SCARA5: variants seen among roughly 807,000 people sequenced by gnomAD.
SCARA5 encodes scavenger receptor class A, member 5 (putative).
A neutral mutation model predicts 46.3 loss-of-function variants in SCARA5; 45 were observed. That is an observed-to-expected ratio of 0.97 (90% CI 0.76 to 1.24). The LOEUF is 1.24. SCARA5 is among the 50% of genes most tolerant of loss of function. The pLI, the probability that SCARA5 is intolerant of heterozygous loss-of-function variation, is 0.00. For missense variants in SCARA5, 680 were observed against 689.0 expected (o/e 0.99, Z 0.15); for synonymous variants, 333 against 306.5 (o/e 1.09, Z -0.90).
rs529126530 is a variant in SCARA5, at chr8:27,893,713, G to A, written c.1153+11065C>T. On this transcript the variant is annotated intron_variant, in intron 7 of 8. Coordinates refer to ENST00000354914, the MANE Select transcript of SCARA5 (RefSeq NM_173833.6). Reference sequence around the variant, plus strand: ...AGCCAGGATCTGGTTTCACTTACTCGCCCTGGCATCTCTGGACATCCCAGG... The same window carrying A: ...AGCCAGGATCTGGTTTCACTTACTCACCCTGGCATCTCTGGACATCCCAGG... Among the ~76,000 whole-genome samples the A allele has an allele frequency of 1.1e-4, 16 of 152,274 alleles. 1 individual carries two copies. In the South Asian group the frequency reaches 2.3e-3, roughly 22 times the overall value.
At chr8:27,989,855 G>T (rs1412220516) in intron 1 of SCARA5, among the ~76,000 whole-genome samples, 1 of 152,220 alleles carries the variant, frequency 6.6e-6, no homozygotes, top group East Asian at 1.9e-4. Context: ...CTGCTAAGTT[G>T]CAAGGGACCC....
rs987607116 is a variant in SCARA5 at position 27,902,952 on chromosome 8, T to C, written c.1153+1826A>G. ...GAGTGTGGGGGGTCCAGGATCAGCC[T>C]GGGCATTTCCTTGTTTTTCTACGGG... is the stretch of plus-strand genomic sequence containing the variant. On this transcript the variant is annotated intron_variant, in intron 7 of 8. Coordinates refer to ENST00000354914, the MANE Select transcript of SCARA5 (RefSeq NM_173833.6). Among the ~76,000 whole-genome samples, 15 of 152,192 alleles carry C rather than the reference T, an allele frequency of 9.9e-5. 1 individual carries two copies. The highest frequency in any genetic ancestry group is 6.5e-4 in the Admixed American group (10 of 15,276).
chr8:27,919,583 C>T (rs1017993939), intron 4 of SCARA5, among the ~76,000 whole-genome samples: 4 of 152,238 alleles, frequency 2.6e-5, no homozygotes, highest in African/African-American at 7.2e-5. Flanking sequence ...GCAGTCTCTA[C>T]TCCTTGACAT....
chr8:27,893,086 C>T (rs1807012662), intron 7 of SCARA5, among the ~76,000 whole-genome samples: 1 of 152,084 alleles, frequency 6.6e-6, no homozygotes, highest in Non-Finnish European at 1.5e-5. Context: ...GCTTGGACAC[C>T]AGTGGCCAAG....
chr8:27,983,511 G>A (rs932526801), intron 2 of SCARA5, among the ~76,000 whole-genome samples: 66 of 152,188 alleles, frequency 4.3e-4, no homozygotes, highest in Non-Finnish European at 4.4e-5. Flanking sequence ...TCCTGGGAAG[G>A]AGCCTGCATC....
At chr8:27,905,893 T>A (rs1325275815) in intron 6 of SCARA5, among the ~76,000 whole-genome samples, 1 of 152,010 alleles carries the variant, frequency 6.6e-6, no homozygotes, top group Non-Finnish European at 1.5e-5. Flanking sequence ...GTATTTTTGG[T>A]AGAGATGGGG....
intron 2 of SCARA5, among the ~76,000 whole-genome samples, chr8:27,979,231 T>C (rs184235264): frequency 5.6e-4 from 86 of 152,256 alleles, no homozygotes; most frequent in African/African-American, 2.0e-3. Context: ...TCACTCTAGG[T>C]TTCCTATTTG....
intron 3 of SCARA5, among the ~76,000 whole-genome samples, chr8:27,962,046 A>G (rs962697752): frequency 1.3e-5 from 2 of 152,226 alleles, no homozygotes; most frequent in Non-Finnish European, 2.9e-5. Context: ...TCACAAGGAT[A>G]CATTAACTAC....
intron 3 of SCARA5, among the ~76,000 whole-genome samples, chr8:27,936,979 A>G (rs1307974167): frequency 1.3e-5 from 2 of 152,234 alleles, no homozygotes; most frequent in Non-Finnish European, 2.9e-5. Flanking sequence ...CCTATTGAGA[A>G]TATTCCCGGA....
intron 7 of SCARA5, among the ~76,000 whole-genome samples, chr8:27,902,247 T>C (rs1451217312): frequency 6.6e-6 from 1 of 152,124 alleles, no homozygotes; most frequent in Non-Finnish European, 1.5e-5. Flanking sequence ...GGGGAGGCTG[T>C]CCAGAGCTGA....
At chr8:27,938,896 C>T (rs750159891) in intron 3 of SCARA5, among the ~76,000 whole-genome samples, 86 of 152,032 alleles carry the variant, frequency 5.7e-4, no homozygotes, top group Non-Finnish European at 1.1e-3. Context: ...TTCTTAAACA[C>T]GAATAAGTGG....
chr8:27,884,963 G>A (rs1806870194), intron 7 of SCARA5, among the ~76,000 whole-genome samples: 1 of 152,156 alleles, frequency 6.6e-6, no homozygotes, highest in Admixed American at 6.5e-5. Context: ...AGTGAGGGCA[G>A]GCGCCATCTT....
At chr8:27,887,289 C>T (rs1181699832) in intron 7 of SCARA5, among the ~76,000 whole-genome samples, 2 of 152,100 alleles carry the variant, frequency 1.3e-5, no homozygotes, top group African/African-American at 4.8e-5. Context: ...TGCCCCATAC[C>T]ACTCCCGTGT....
chr8:27,931,855 T>C (rs1026697955), intron 3 of SCARA5, among the ~76,000 whole-genome samples: 13 of 152,120 alleles, frequency 8.5e-5, no homozygotes, highest in Non-Finnish European at 1.3e-4. Context: ...CGTTCCACCA[T>C]GTTGGCTAGG....
chr8:27,959,772 G>C (rs559398012), intron 3 of SCARA5, among the ~76,000 whole-genome samples: 19 of 152,252 alleles, frequency 1.2e-4, no homozygotes, highest in Non-Finnish European at 2.5e-4. Flanking sequence ...TTGTTTTTTG[G>C]GAAAAGCACA....
rs117012023 is a variant in SCARA5, at chr8:27,973,137, A to C, written c.113-6595T>G. 6.7e-4 allele frequency among the ~76,000 whole-genome samples: 102 copies of C among 152,292 alleles called. 2 individuals are homozygous for C. The East Asian group carries it at 0.019, about 28-fold the overall frequency. ...GTATGCAAATAATTGACAAACTCTAATTGGCTGGAAAAACACATTTTTAGA... is the reference window on the plus strand; with the variant it reads ...GTATGCAAATAATTGACAAACTCTACTTGGCTGGAAAAACACATTTTTAGA... On this transcript the variant is annotated intron_variant, in intron 2 of 8. Transcript: ENST00000354914.
At chr8:27,937,381 C>T (rs1323203619) in intron 3 of SCARA5, among the ~76,000 whole-genome samples, 6 of 152,188 alleles carry the variant, frequency 3.9e-5, no homozygotes, top group Non-Finnish European at 8.8e-5. Context: ...CAGGAGTGGG[C>T]AGGTAAGCGC....
At chr8:27,940,373 T>C (rs1807923725) in intron 3 of SCARA5, among the ~76,000 whole-genome samples, 1 of 152,152 alleles carries the variant, frequency 6.6e-6, no homozygotes, top group South Asian at 2.1e-4. Flanking sequence ...AAAGGTGGAC[T>C]CACAGTGCAG....
chr8:27,914,079 C>G (rs1399052818), intron 4 of SCARA5, among the ~76,000 whole-genome samples: 1 of 152,128 alleles, frequency 6.6e-6, no homozygotes, highest in Non-Finnish European at 1.5e-5. Context: ...GGGGGTGGGT[C>G]TTTCCCTTGC....
Sources: allele counts gnomAD v4.1 joint callset (sites outside exome capture counted in the v4.1 genomes callset), GRCh38; gene constraint gnomAD v4.1.1; transcripts MANE v1.5; gene names NCBI Gene and HGNC (gene_info 2026-07-23, HGNC 2026-07-21).